The following ARHGAP42 variants were observed in gnomAD, a reference collection of about 807,000 sequenced individuals.
ARHGAP42 encodes the protein Rho GTPase activating protein 42.
Under a neutral mutation model 125.0 loss-of-function variants are expected in ARHGAP42, and 63 were observed. That is an observed-to-expected ratio of 0.50 (90% confidence interval 0.41 to 0.62). The LOEUF (loss-of-function observed/expected upper bound fraction) is 0.62. Among genes scored for constraint, ARHGAP42 ranks in the 20% least tolerant of loss-of-function variants. The pLI is 0.00. For missense variants in ARHGAP42, 766 were observed against 1,024.2 expected, an observed-to-expected ratio of 0.75 and a Z score of 3.44; for synonymous variants, 339 against 351.0, an observed-to-expected ratio of 0.97 and a Z score of 0.38.
In ARHGAP42 at chr11:100,992,626, C is replaced by T. The variant is rs774691586; in HGVS notation, c.*3825C>T. ...CATTCACTGTATCCCTCATTGTCAC[C>T]GTTATCCCCCTGCTTCAAAATGTGC... On this transcript the variant is annotated 3_prime_UTR_variant, in exon 24 of 24. Transcript: ENST00000298815. The T allele has an allele frequency of 9.3e-6, 15 of 1,613,482 alleles. No homozygotes were observed. Among genetic ancestry groups the T allele is most frequent in the East Asian group, 2.2e-5 (1 of 44,854 alleles).
rs137980335 is a variant in ARHGAP42, at chr11:100,977,312, G to A, written c.2393+341G>A. Among the ~76,000 whole-genome samples the A allele has an allele frequency of 2.3e-3, 346 of 152,284 alleles. 2 individuals are homozygous for A. The highest frequency in any genetic ancestry group is 8.1e-3 in the African/African-American group (335 of 41,568). ...TTAAAAGCTAAACATCCATCTCTCC[G>A]CTGAAGAGACTGCCACGCATTGACT... is the stretch of plus-strand genomic sequence containing the variant. On this transcript the variant is annotated intron_variant, in intron 21 of 23. Coordinates refer to ENST00000298815, the MANE Select transcript of ARHGAP42 (RefSeq NM_152432.4).
chr11:100,872,826 A>T (rs564626330), intron 4 of ARHGAP42, among the ~76,000 whole-genome samples: 1 of 152,186 alleles, frequency 6.6e-6, no homozygotes, highest in Non-Finnish European at 1.5e-5. Context: ...ATTCGATTCA[A>T]TGGTGTTGAT....
intron 1 of ARHGAP42, among the ~76,000 whole-genome samples, chr11:100,745,382 T>C (rs1336423466): frequency 3.3e-5 from 5 of 152,234 alleles, no homozygotes; most frequent in African/African-American, 9.6e-5. Flanking sequence ...TGGAGGATAG[T>C]TAAGGGAGGT....
At chr11:100,762,686 C>T (rs780615134) in intron 1 of ARHGAP42, among the ~76,000 whole-genome samples, 7 of 152,092 alleles carry the variant, frequency 4.6e-5, no homozygotes, top group African/African-American at 7.2e-5. Context: ...TTTTTACTGG[C>T]AAATTTTCAT....
At chr11:100,945,452 A>G (rs56199820) in intron 10 of ARHGAP42, among the ~76,000 whole-genome samples, 14,059 of 152,156 alleles carry the variant, frequency 0.092, 936 homozygotes, top group Non-Finnish European at 0.13. Context: ...TACTTTACCC[A>G]GATCCATTAG....
At chr11:100,715,593 G>A (rs763867569) in intron 1 of ARHGAP42, among the ~76,000 whole-genome samples, 8 of 152,110 alleles carry the variant, frequency 5.3e-5, no homozygotes, top group Non-Finnish European at 1.2e-4. Context: ...CATCCTTGGC[G>A]TATGTGCAAA....
At chr11:100,798,760 C>T (rs1189893727) in intron 3 of ARHGAP42, among the ~76,000 whole-genome samples, 1 of 152,138 alleles carries the variant, frequency 6.6e-6, no homozygotes, top group African/African-American at 2.4e-5. Flanking sequence ...CACAATATCT[C>T]TGAGGTATGC....
chr11:100,760,395 T>C (rs1287481423), intron 1 of ARHGAP42, among the ~76,000 whole-genome samples: 1 of 152,160 alleles, frequency 6.6e-6, no homozygotes, highest in Non-Finnish European at 1.5e-5. Context: ...TAGCTTAGTA[T>C]GTCCTTTAAA....
chr11:100,970,378 C>T (rs1365555225), intron 17 of ARHGAP42, among the ~76,000 whole-genome samples: 3 of 152,070 alleles, frequency 2.0e-5, no homozygotes, highest in Non-Finnish European at 4.4e-5. Flanking sequence ...AGAATGCAGC[C>T]TGGGACATGA....
intron 5 of ARHGAP42, among the ~76,000 whole-genome samples, chr11:100,918,981 A>G (rs1012460803): frequency 2.5e-4 from 38 of 152,198 alleles, no homozygotes; most frequent in African/African-American, 8.7e-4. Context: ...TGCTTGGAGA[A>G]CTCACAGGAC....
Position 100,831,640 on chromosome 11 carries a change from G to A in ARHGAP42, c.313-27914G>A, listed in dbSNP as rs113757548. 2.0e-5 allele frequency among the ~76,000 whole-genome samples: 3 copies of A among 152,150 alleles called. 1 individual carries two copies. Among genetic ancestry groups the A allele is most frequent in the Admixed American group, 2.0e-4 (3 of 15,266 alleles). ...TATTCTTAGTATTTTTGCTGCTCTT[G>A]CTGGGGGTTGCTTGTGGGGAATTCC... On this transcript the variant is annotated intron_variant, in intron 3 of 23. Coordinates refer to ENST00000298815, the MANE Select transcript of ARHGAP42 (RefSeq NM_152432.4).
chr11:100,690,550 A>G lies in ARHGAP42; in HGVS notation c.154+2718A>G, dbSNP rs142167307. ...AGATAATTTCAATTTTAAATAATAC[A>G]TATAACATACTTAACACGTGTTTAA... On this transcript the variant is annotated intron_variant, in intron 1 of 23. Coordinates refer to ENST00000298815, the MANE Select transcript of ARHGAP42 (RefSeq NM_152432.4). 3.3e-3 allele frequency among the ~76,000 whole-genome samples: 499 copies of G among 152,310 alleles called. 3 individuals are homozygous for G. The highest frequency in any genetic ancestry group is 0.011 in the African/African-American group (469 of 41,570).
chr11:100,945,895 C>G (rs1283435357), intron 10 of ARHGAP42, among the ~76,000 whole-genome samples: 1 of 151,990 alleles, frequency 6.6e-6, no homozygotes, highest in Non-Finnish European at 1.5e-5. Context: ...CAAGAGTCAG[C>G]CTATTTGAAG....
chr11:100,772,335 T>A (rs1445203621), intron 2 of ARHGAP42, among the ~76,000 whole-genome samples: 1 of 152,242 alleles, frequency 6.6e-6, no homozygotes, highest in African/African-American at 2.4e-5. Context: ...TTTCTCTGCA[T>A]GTGGAATTTA....
intron 1 of ARHGAP42, among the ~76,000 whole-genome samples, chr11:100,727,745 TA>T (rs2120294062): frequency 6.6e-6 from 1 of 152,312 alleles, no homozygotes; most frequent in Admixed American, 6.5e-5. Flanking sequence ...TCCATCTGGT[TA>T]TTTGTGTCCT....
In ARHGAP42 at chr11:100,933,225, C is replaced by T; in HGVS notation, c.667C>T (p.Pro223Ser). The change falls in exon 7 of 24, where the codon CCG (proline) becomes TCG (serine). Residue 223 changes from proline to serine, a missense_variant. By Grantham distance (74) the Pro-to-Ser change is moderately conservative. Coordinates refer to ENST00000298815, the MANE Select transcript of ARHGAP42 (RefSeq NM_152432.4). ...EGYELAQEFA[P>S]YKQQLQFNLQ... ...ATATGAACTTGCCCAGGAATTTGCA[C>T]CGTATAAGCAACAGCTGCAGTTCAA... The T allele has an allele frequency of 6.4e-7, 1 of 1,550,868 alleles. No homozygotes were observed. The highest frequency in any genetic ancestry group is 8.7e-7 in the Non-Finnish European group (1 of 1,146,642).
At chr11:100,881,945 T>C (rs1210707168) in intron 4 of ARHGAP42, among the ~76,000 whole-genome samples, 2 of 152,212 alleles carry the variant, frequency 1.3e-5, no homozygotes, top group East Asian at 3.8e-4. Flanking sequence ...AGCTACTGAT[T>C]TGTGTACATT....
chr11:100,755,780 CCT>C (rs759113340), intron 1 of ARHGAP42, among the ~76,000 whole-genome samples: 2 of 152,266 alleles, frequency 1.3e-5, no homozygotes, highest in Admixed American at 6.5e-5. Flanking sequence ...TTATTTCCCC[CCT>C]GTCATAACAG....
intron 2 of ARHGAP42, among the ~76,000 whole-genome samples, chr11:100,786,263 C>T (rs1277568547): frequency 6.6e-6 from 1 of 152,140 alleles, no homozygotes; most frequent in Non-Finnish European, 1.5e-5. Flanking sequence ...ACTAAATGTG[C>T]TTGCAAAGAA....
Sources: allele counts gnomAD v4.1 joint callset (sites outside exome capture counted in the v4.1 genomes callset), GRCh38; gene constraint gnomAD v4.1.1; transcripts MANE v1.5; gene names NCBI Gene and HGNC (gene_info 2026-07-23, HGNC 2026-07-21).